MBNL1: variants seen among roughly 807,000 people sequenced by gnomAD.
MBNL1 encodes muscleblind like splicing regulator 1.
MBNL1 carries 8 observed loss-of-function variants against 42.2 expected under a neutral mutation model. The observed-to-expected ratio is 0.19, with a 90% CI of 0.11 to 0.34. MBNL1 has a LOEUF of 0.34. Among genes scored for constraint, MBNL1 ranks in the 10% least tolerant of loss-of-function variants. The pLI, the probability that MBNL1 is intolerant of heterozygous loss-of-function variation, is 1.00. For missense variants in MBNL1, 309 were observed against 495.3 expected (o/e 0.62, Z 3.57); for synonymous variants, 169 against 173.9 (o/e 0.97, Z 0.22).
At chr3:152,388,332 C>G (rs760520802) in intron 2 of MBNL1, among the ~76,000 whole-genome samples, 14 of 152,128 alleles carry the variant, frequency 9.2e-5, no homozygotes, top group Non-Finnish European at 2.1e-4. Context: ...TTACAAAGGT[C>G]CGTGGAACAC....
intron 3 of MBNL1, among the ~76,000 whole-genome samples, chr3:152,424,681 C>T (rs1167445061): frequency 6.6e-6 from 1 of 152,068 alleles, no homozygotes; most frequent in African/African-American, 2.4e-5. Context: ...CTTCATACTA[C>T]AAGGCTACAG....
intron 1 of MBNL1, among the ~76,000 whole-genome samples, chr3:152,271,098 A>G (rs1191487308): frequency 6.6e-6 from 1 of 152,058 alleles, no homozygotes; most frequent in South Asian, 2.1e-4. Context: ...CAAGTGTGGT[A>G]CTCTGCGCAG....
At chr3:152,283,525 A>T (rs2049778187) in intron 1 of MBNL1, among the ~76,000 whole-genome samples, 1 of 152,188 alleles carries the variant, frequency 6.6e-6, no homozygotes, top group Admixed American at 6.5e-5. Flanking sequence ...TCCTGAGTTT[A>T]TTTAATAAGA....
chr3:152,329,169 TG>T (rs1352932307), intron 2 of MBNL1, among the ~76,000 whole-genome samples: 1 of 152,120 alleles, frequency 6.6e-6, no homozygotes, highest in Non-Finnish European at 1.5e-5. Context: ...TGAGCTTATT[TG>T]GGAGCTAAAC....
intron 3 of MBNL1, among the ~76,000 whole-genome samples, chr3:152,418,778 G>A (rs1264656582): frequency 2.1e-5 from 3 of 144,734 alleles, no homozygotes; most frequent in South Asian, 4.3e-4. Context: ...GTGCAGTGGT[G>A]TGATCTCAGC....
At chr3:152,353,888 G>T (rs1187231310) in intron 2 of MBNL1, among the ~76,000 whole-genome samples, 2 of 152,052 alleles carry the variant, frequency 1.3e-5, no homozygotes, top group Non-Finnish European at 2.9e-5. Context: ...GAGAAAATCA[G>T]TATGAGCATA....
intron 1 of MBNL1, among the ~76,000 whole-genome samples, chr3:152,291,578 A>G (rs2056029566): frequency 6.6e-6 from 1 of 152,200 alleles, no homozygotes; most frequent in Non-Finnish European, 1.5e-5. Context: ...TTATACCACA[A>G]ATATTAATTG....
In MBNL1 at chr3:152,331,793, C is replaced by G. The variant is rs542297483; in HGVS notation, c.174+31426C>G. Among the ~76,000 whole-genome samples the G allele has an allele frequency of 8.5e-5, 13 of 152,108 alleles. No individual in the cohort carries two copies. In the South Asian group the frequency reaches 2.5e-3, roughly 29 times the overall value. ...GCAACCTCTGCCTCCTGAGTTCAAGCGATTCTTCAGTCTCAGCCTCCCAAG... is the reference window on the plus strand; with the variant it reads ...GCAACCTCTGCCTCCTGAGTTCAAGGGATTCTTCAGTCTCAGCCTCCCAAG... On this transcript the variant is annotated intron_variant, in intron 2 of 9. Coordinates refer to ENST00000324210, the MANE Select transcript of MBNL1 (RefSeq NM_021038.5).
intron 3 of MBNL1, among the ~76,000 whole-genome samples, chr3:152,422,214 CAAAATAAAGGG>C (rs1224724215): frequency 9.5e-6 from 1 of 104,898 alleles, no homozygotes; most frequent in African/African-American, 3.8e-5. Context: ...CACATAGTCT[CAAAATAAAGGG>C]AAAATAAAGG....
rs111423993 is a variant in MBNL1, at chr3:152,318,697, A to T, written c.174+18330A>T. Among the ~76,000 whole-genome samples, 1,445 of 152,282 alleles carry T rather than the reference A, an allele frequency of 9.5e-3. 12 individuals carry two copies. Among genetic ancestry groups the T allele is most frequent in the Non-Finnish European group, 0.013 (883 of 67,994 alleles). On this transcript the variant is annotated intron_variant, in intron 2 of 9. Transcript: ENST00000324210. ...GCTTAGCATGAGCTTGATGGATTCAAACCACTGGGTTTATCATTACTACAT... is the reference window on the plus strand; with the variant it reads ...GCTTAGCATGAGCTTGATGGATTCATACCACTGGGTTTATCATTACTACAT...
At chr3:152,247,764 G>T in intron 2 of MBNL1, among the ~76,000 whole-genome samples, 1 of 151,556 alleles carries the variant, frequency 6.6e-6, no homozygotes, top group African/African-American at 2.4e-5. Flanking sequence ...TCTAAATATA[G>T]GTTTTAACTT....
Position 152,299,654 on chromosome 3 carries a change from A to G in MBNL1, c.-540A>G, listed in dbSNP as rs575998275. 605 of 398,724 alleles carry G rather than the reference A, an allele frequency of 1.5e-3. 2 individuals carry two copies. Among genetic ancestry groups the G allele is most frequent in the Non-Finnish European group, 8.4e-4 (189 of 226,124 alleles). The allele number at this position is 398,724 out of a possible 1,614,324, so 24.7% of individuals were successfully genotyped here. Reference sequence around the variant, plus strand: ...AAAGTAAGATATCTTCTGCCAGGAAATCAAGGAGGAAAAAAAAAATCATTT... The same window carrying G: ...AAAGTAAGATATCTTCTGCCAGGAAGTCAAGGAGGAAAAAAAAAATCATTT... On this transcript the variant is annotated 5_prime_UTR_variant, in exon 2 of 10. Coordinates refer to ENST00000324210, the MANE Select transcript of MBNL1 (RefSeq NM_021038.5).
intron 2 of MBNL1, among the ~76,000 whole-genome samples, chr3:152,253,830 A>G (rs1012607272): frequency 1.3e-5 from 2 of 152,112 alleles, no homozygotes; most frequent in Admixed American, 6.6e-5. Context: ...TCCACTACAT[A>G]TTTAATTGTA....
chr3:152,375,486 A>G (rs1480620261), intron 2 of MBNL1, among the ~76,000 whole-genome samples: 1 of 152,218 alleles, frequency 6.6e-6, no homozygotes, highest in Non-Finnish European at 1.5e-5. Flanking sequence ...GTGGTGGCTC[A>G]TGCCTGTAAT....
In MBNL1 at chr3:152,361,555, T is replaced by G. The variant is rs189342773; in HGVS notation, c.175-53386T>G. On this transcript the variant is annotated intron_variant, in intron 2 of 9. Coordinates refer to ENST00000324210, the MANE Select transcript of MBNL1 (RefSeq NM_021038.5). ...GGGAGGGGCAAATGCTAAGGGGCAA[T>G]GATGAGAAAAGGAAAGACACAGGGC... 5.6e-4 allele frequency among the ~76,000 whole-genome samples: 85 copies of G among 151,354 alleles called. 1 individual carries two copies. Among genetic ancestry groups the G allele is most frequent in the Admixed American group, 5.5e-3 (84 of 15,166 alleles).
chr3:152,412,453 A>G (rs1036505749), intron 2 of MBNL1, among the ~76,000 whole-genome samples: 1 of 152,300 alleles, frequency 6.6e-6, no homozygotes, highest in Non-Finnish European at 1.5e-5. Context: ...CGTTCTCACC[A>G]AATATCAGTT....
At chr3:152,438,202 T>C (rs1176959974) in intron 4 of MBNL1, among the ~76,000 whole-genome samples, 1 of 152,200 alleles carries the variant, frequency 6.6e-6, no homozygotes, top group Non-Finnish European at 1.5e-5. Flanking sequence ...CTGAACGATA[T>C]TCAGTAGAAA....
At chr3:152,460,548 G>A (rs1743638322) in intron 9 of MBNL1, among the ~76,000 whole-genome samples, 1 of 151,152 alleles carries the variant, frequency 6.6e-6, no homozygotes, top group South Asian at 2.1e-4. Flanking sequence ...GCACCAGCAT[G>A]GCACATGTAT....
chr3:152,345,591 TAGAG>T (rs542925986), intron 2 of MBNL1, among the ~76,000 whole-genome samples: 3 of 152,150 alleles, frequency 2.0e-5, no homozygotes, highest in Admixed American at 6.6e-5. Flanking sequence ...TGTTTTTATT[TAGAG>T]AGAGAGACAG....
Sources: gnomAD v4.1 joint callset for allele counts (sites outside exome capture counted in the v4.1 genomes callset) on GRCh38, gnomAD v4.1.1 for gene constraint, MANE v1.5 for transcripts, NCBI Gene and HGNC (gene_info 2026-07-23, HGNC 2026-07-21) for gene names.